The following CHRM5 variants were observed in gnomAD, a reference collection of about 807,000 sequenced individuals.
CHRM5 encodes the protein muscarinic acetylcholine receptor M5.
A neutral mutation model predicts 39.0 loss-of-function variants in CHRM5; 18 were observed. The ratio of observed to expected loss-of-function variants is 0.46; its 90% CI spans 0.32 to 0.68. CHRM5 has a LOEUF of 0.68. Ranked by LOEUF, CHRM5 falls within the 30% of genes least tolerant of loss-of-function variation. CHRM5 has a pLI of 0.04. For missense variants in CHRM5, 515 were observed against 651.1 expected (o/e 0.79, Z 2.28); for synonymous variants, 241 against 246.3 (o/e 0.98, Z 0.20).
chr15:34,039,150 G>A (rs1597380275), intron 1 of CHRM5: 8 of 966,760 alleles, frequency 8.3e-6, no homozygotes, highest in South Asian at 9.7e-5. Flanking sequence ...AGCGAAAGGC[G>A]CCCGGTAGCA....
intron 1 of CHRM5, among the ~76,000 whole-genome samples, chr15:34,035,877 C>T (rs1899094345): frequency 6.6e-6 from 1 of 152,306 alleles, no homozygotes; most frequent in South Asian, 2.1e-4. Context: ...TCACTGCAGC[C>T]TCCACCTCCG....
At chr15:34,060,340 G>A (rs1014238804) in intron 2 of CHRM5, among the ~76,000 whole-genome samples, 9 of 152,300 alleles carry the variant, frequency 5.9e-5, no homozygotes, top group African/African-American at 1.7e-4. Context: ...GAAGATGGGA[G>A]AATCTGGTTT....
intron 1 of CHRM5, among the ~76,000 whole-genome samples, chr15:33,998,663 C>T (rs1304954456): frequency 1.3e-5 from 2 of 152,174 alleles, no homozygotes; most frequent in South Asian, 2.1e-4. Flanking sequence ...GTGAAGATCA[C>T]CAATAACCTT....
chr15:33,999,803 G>A (rs965314831), intron 1 of CHRM5, among the ~76,000 whole-genome samples: 2 of 152,124 alleles, frequency 1.3e-5, no homozygotes, highest in Non-Finnish European at 2.9e-5. Context: ...CTCCCCTCTT[G>A]CCAGTCTTCA....
chr15:34,061,862 G>A (rs1900343605), intron 2 of CHRM5, among the ~76,000 whole-genome samples: 9 of 152,108 alleles, frequency 5.9e-5, no homozygotes, highest in Admixed American at 6.6e-5. Flanking sequence ...GCTCACAACG[G>A]CACCTCAGTA....
intron 1 of CHRM5, among the ~76,000 whole-genome samples, chr15:34,017,161 C>T (rs896475885): frequency 6.6e-6 from 1 of 151,958 alleles, no homozygotes; most frequent in Non-Finnish European, 1.5e-5. Flanking sequence ...TTTGACAAAG[C>T]TTCTCACCTA....
chr15:34,013,994 C>A (rs1413375596), intron 1 of CHRM5, among the ~76,000 whole-genome samples: 1 of 152,098 alleles, frequency 6.6e-6, no homozygotes, highest in Non-Finnish European at 1.5e-5. Flanking sequence ...TAGCAAAGAA[C>A]GTGCTTCTAA....
At position 34,058,412 on chromosome 15, in the gene CHRM5, C is replaced by T. The variant is rs556777953; in HGVS notation, c.-75-4231C>T. On this transcript the variant is annotated intron_variant, in intron 2 of 2. Coordinates refer to ENST00000383263, the MANE Select transcript of CHRM5 (RefSeq NM_012125.4). ...GAATAAAAATCAAAATGGAGCCACCCATACTAAAGTTCCAAGTCAACAAAC... is the reference window on the plus strand; with the variant it reads ...GAATAAAAATCAAAATGGAGCCACCTATACTAAAGTTCCAAGTCAACAAAC... 2.6e-5 allele frequency among the ~76,000 whole-genome samples: 4 copies of T among 152,184 alleles called. No individual in the cohort carries two copies. The East Asian group carries it at 7.7e-4, about 29-fold the overall frequency.
chr15:34,020,136 C>T (rs1186428451), intron 1 of CHRM5, among the ~76,000 whole-genome samples: 1 of 151,876 alleles, frequency 6.6e-6, no homozygotes, highest in Non-Finnish European at 1.5e-5. Flanking sequence ...ATGGTGAAAC[C>T]CCGTCTCTAC....
At chr15:33,971,207 G>C (rs1044286123) in intron 1 of CHRM5, among the ~76,000 whole-genome samples, 1 of 152,030 alleles carries the variant, frequency 6.6e-6, no homozygotes, top group Non-Finnish European at 1.5e-5. Flanking sequence ...AACAATTAAA[G>C]AGATTCTGAA....
intron 1 of CHRM5, among the ~76,000 whole-genome samples, chr15:34,024,556 A>G (rs868719969): frequency 1.2e-4 from 18 of 151,946 alleles, no homozygotes; most frequent in Admixed American, 2.6e-4. Flanking sequence ...ACAAATTACT[A>G]TAAATAAAAA....
intron 1 of CHRM5, chr15:34,002,980 T>C (rs1597336392): frequency 7.0e-7 from 1 of 1,436,082 alleles, no homozygotes; most frequent in East Asian, 2.3e-5. Flanking sequence ...ATATAAAATG[T>C]CTGTGCAACT....
chr15:33,970,308 C>A (rs755999014), intron 1 of CHRM5, among the ~76,000 whole-genome samples: 1 of 151,804 alleles, frequency 6.6e-6, no homozygotes, highest in Non-Finnish European at 1.5e-5. Flanking sequence ...TATAAATAAC[C>A]TTAAATATCA....
chr15:33,975,490 A>G (rs1277924842), intron 1 of CHRM5, among the ~76,000 whole-genome samples: 2 of 152,352 alleles, frequency 1.3e-5, no homozygotes, highest in East Asian at 3.9e-4. Flanking sequence ...AAACATCTAT[A>G]ATTTGGGTTG....
chr15:34,039,406 T>C (rs1899366072), intron 1 of CHRM5, among the ~76,000 whole-genome samples: 1 of 17,680 alleles, frequency 5.7e-5, no homozygotes, highest in African/African-American at 1.2e-4. Flanking sequence ...TGATGTGAAC[T>C]CTCGGAAAAA....
rs185172349 is a variant in CHRM5 at position 34,062,443 on chromosome 15, T to C, written c.-75-200T>C. Among the ~76,000 whole-genome samples the C allele has an allele frequency of 9.4e-3, 1,418 of 150,650 alleles. 22 individuals carry two copies. Among genetic ancestry groups the C allele is most frequent in the African/African-American group, 0.031 (1,287 of 40,972 alleles). ...GGTGGTGGGAGCCTGTGATCCCAGCTACTCGGGAGGCTGAGGCAGGAGAAT... is the reference window on the plus strand; with the variant it reads ...GGTGGTGGGAGCCTGTGATCCCAGCCACTCGGGAGGCTGAGGCAGGAGAAT... On this transcript the variant is annotated intron_variant, in intron 2 of 2. Transcript: ENST00000383263.
intron 1 of CHRM5, among the ~76,000 whole-genome samples, chr15:33,979,444 G>T (rs1299125865): frequency 6.6e-6 from 1 of 152,094 alleles, no homozygotes; most frequent in Non-Finnish European, 1.5e-5. Context: ...AGGAGGTTGA[G>T]GCTGCACTCC....
At chr15:33,981,553 C>T (rs1273151167) in intron 1 of CHRM5, among the ~76,000 whole-genome samples, 1 of 152,188 alleles carries the variant, frequency 6.6e-6, no homozygotes, top group East Asian at 1.9e-4. Flanking sequence ...ATTTTCTATA[C>T]AATACACCAA....
chr15:34,013,083 A>C (rs1418533035), intron 1 of CHRM5, among the ~76,000 whole-genome samples: 3 of 151,630 alleles, frequency 2.0e-5, no homozygotes, highest in Non-Finnish European at 4.4e-5. Flanking sequence ...GTTTTTTGAG[A>C]CAGAGTCTCA....
Sources: gnomAD v4.1 joint callset for allele counts (sites outside exome capture counted in the v4.1 genomes callset) on GRCh38, gnomAD v4.1.1 for gene constraint, MANE v1.5 for transcripts, NCBI Gene and HGNC (gene_info 2026-07-23, HGNC 2026-07-21) for gene names.